PLEKHH2: variants seen among roughly 807,000 people sequenced by gnomAD.
The protein encoded by PLEKHH2 is pleckstrin homology, MyTH4 and FERM domain containing H2, also known as pleckstrin homology domain-containing family H member 2.
Under a neutral mutation model 187.9 loss-of-function variants are expected in PLEKHH2, and 129 were observed. The observed-to-expected ratio is 0.69, with a 90% confidence interval of 0.59 to 0.79. The LOEUF (loss-of-function observed/expected upper bound fraction) is 0.79. PLEKHH2 is among the 30% of genes least tolerant of loss of function. The pLI, the probability that PLEKHH2 is intolerant of heterozygous loss-of-function variation, is 0.00. For missense variants in PLEKHH2, 2,076 were observed against 1,751.2 expected, an observed-to-expected ratio of 1.19 and a Z score of -3.31; for synonymous variants, 686 against 605.6, an observed-to-expected ratio of 1.13 and a Z score of -1.95.
rs749004780 is a variant in PLEKHH2, at chr2:43,644,743, C to A, written c.70C>A (p.Leu24Ile). ...ACGATGTGTAGCTCTGGAGTCCCAA[C>A]TCATGAAATTTAGAGTTCAAGCAAG... ...KERCVALESQLMKFRVQASKI... is the reference protein window; with the variant it reads ...KERCVALESQIMKFRVQASKI... Residue 24 changes from leucine (L) to isoleucine (I), a missense_variant, in exon 2 of 30, where the codon CTC becomes ATC. Transcript: ENST00000282406. 2.5e-6 allele frequency: 4 copies of A among 1,609,976 alleles called. No homozygotes were observed. In the East Asian group the frequency reaches 8.9e-5, roughly 36 times the overall value.
Position 43,742,868 on chromosome 2 carries a change from C to G in PLEKHH2, c.3349C>G (p.His1117Asp), listed in dbSNP as rs1433988226. ...AACTCTTCTCCGAAACCCTTATCAC[C>G]ATTCTTTGCCCTTTAGTATACCTGT... ...LSTLLRNPYH[H>D]SLPFSIPVHF... Residue 1117 changes from histidine to aspartate, a missense_variant, in exon 22 of 30, where the codon CAT (histidine) becomes GAT (aspartate). Physicochemically the swap from His to Asp is moderately conservative, Grantham distance 81. Coordinates refer to ENST00000282406, the MANE Select transcript of PLEKHH2 (RefSeq NM_172069.4). The G allele has an allele frequency of 2.5e-6, 4 of 1,606,784 alleles. No homozygotes were observed. In the South Asian group the frequency reaches 4.5e-5, roughly 18 times the overall value.
intron 14 of PLEKHH2, chr2:43,711,222 T>G (rs1669949244): frequency 1.0e-6 from 1 of 985,538 alleles, no homozygotes; most frequent in Non-Finnish European, 1.2e-6. Context: ...TTTCTTATAT[T>G]GCTCCTTTGG....
At chr2:43,679,863 G>T (rs13393952) in intron 3 of PLEKHH2, among the ~76,000 whole-genome samples, 1,610 of 151,912 alleles carry the variant, frequency 0.011, 31 homozygotes, top group African/African-American at 0.037. Context: ...GTAATGACAG[G>T]GTCTCACTAT....
chr2:43,699,190 C>A (rs1308149212), intron 7 of PLEKHH2, among the ~76,000 whole-genome samples: 1 of 148,112 alleles, frequency 6.8e-6, no homozygotes, highest in Non-Finnish European at 1.5e-5. Context: ...CTTTTATTAT[C>A]TCTCTTTAGA....
chr2:43,727,410 C>CAAAAAA (rs57973493), intron 17 of PLEKHH2, among the ~76,000 whole-genome samples: 4 of 114,842 alleles, frequency 3.5e-5, no homozygotes, highest in South Asian at 3.0e-4. Flanking sequence ...GACTCCGTCT[C>CAAAAAA]AAAAAAAAAA....
chr2:43,726,207 T>G (rs534096384), intron 16 of PLEKHH2, 65 bp from the exon 17 acceptor site: 3 of 1,097,152 alleles, frequency 2.7e-6, no homozygotes, highest in African/African-American at 1.6e-5. Flanking sequence ...AAAAGGACTA[T>G]GAAATGTTTT....
chr2:43,675,579 G>A, intron 2 of PLEKHH2: 2 of 1,613,652 alleles, frequency 1.2e-6, no homozygotes, highest in Non-Finnish European at 1.7e-6. Flanking sequence ...TAAGCTGTGC[G>A]ATTGGTTTTG....
intron 2 of PLEKHH2, among the ~76,000 whole-genome samples, chr2:43,674,921 G>A (rs1667663242): frequency 6.6e-6 from 1 of 151,420 alleles, no homozygotes; most frequent in African/African-American, 2.4e-5. Flanking sequence ...GGAGGCGGAG[G>A]TTGCAGTGAG....
Position 43,742,909 on chromosome 2 carries a change from G to A in PLEKHH2, c.3390G>A (p.Gly1130=). The A allele has an allele frequency of 6.5e-7, 1 of 1,539,312 alleles. No homozygotes were observed. Among genetic ancestry groups the A allele is most frequent in the East Asian group, 2.4e-5 (1 of 41,164 alleles). Residue 1130 remains glycine, a synonymous_variant, in exon 22 of 30, where the codon GGG becomes GGA. Transcript: ENST00000282406. Reference sequence around the variant, plus strand: ...GTATACCTGTGCACTTCATGAATGGGATATACCAGGTAGGTTACCTGATGA... The same window carrying A: ...GTATACCTGTGCACTTCATGAATGGAATATACCAGGTAGGTTACCTGATGA... ...PFSIPVHFMN[G]IYQVVGFDAS... is the part of the protein sequence containing the mutation.
At chr2:43,754,016 A>G (rs370094638) in intron 25 of PLEKHH2, among the ~76,000 whole-genome samples, 24 of 152,124 alleles carry the variant, frequency 1.6e-4, no homozygotes, top group African/African-American at 5.3e-4. Flanking sequence ...TAGGCTTTGT[A>G]TTTAATAAAG....
intron 2 of PLEKHH2, among the ~76,000 whole-genome samples, chr2:43,672,328 T>A (rs1667533388): frequency 6.6e-6 from 1 of 152,202 alleles, no homozygotes; most frequent in Non-Finnish European, 1.5e-5. Context: ...AAGAACCAGC[T>A]TTTGGTTTTA....
chr2:43,673,911 T>C (rs1451557248), intron 2 of PLEKHH2, among the ~76,000 whole-genome samples: 2 of 152,152 alleles, frequency 1.3e-5, no homozygotes, highest in African/African-American at 2.4e-5. Flanking sequence ...TTGAGCCTGA[T>C]TGCGCCTTCA....
intron 12 of PLEKHH2, 27 bp downstream of exon 12, chr2:43,710,153 A>G: frequency 1.2e-6 from 2 of 1,609,830 alleles, no homozygotes; most frequent in Non-Finnish European, 1.7e-6. Context: ...ATTTTTAAAA[A>G]GCAGTCAGTC....
In PLEKHH2 at chr2:43,639,743, G is replaced by A. The variant is rs183118796; in HGVS notation, c.-4+2364G>A. Among the ~76,000 whole-genome samples the A allele has an allele frequency of 5.0e-5, 7 of 139,182 alleles. No individual in the cohort carries two copies. The East Asian group carries it at 1.5e-3, about 30-fold the overall frequency. 91.3% of individuals were successfully genotyped at this position (139,182 alleles called of 152,430 possible). On this transcript the variant is annotated intron_variant, in intron 1 of 29. Transcript: ENST00000282406. Reference sequence around the variant, plus strand: ...AGGATCTCAGCTCACTGCAACTTCTGCCTCCTGGGTTAAAGCAATTCTCCT... The same window carrying A: ...AGGATCTCAGCTCACTGCAACTTCTACCTCCTGGGTTAAAGCAATTCTCCT...
intron 14 of PLEKHH2, 200 bp from the exon 15 acceptor site, chr2:43,712,024 CA>C: frequency 7.9e-7 from 1 of 1,270,976 alleles, no homozygotes; most frequent in East Asian, 3.3e-5. Context: ...GTTATTTCCA[CA>C]AAAATTTAAT....
intron 16 of PLEKHH2, among the ~76,000 whole-genome samples, chr2:43,724,366 C>CT (rs1670635436): frequency 6.6e-6 from 1 of 152,168 alleles, no homozygotes; most frequent in Non-Finnish European, 1.5e-5. Context: ...TTAGAATGAA[C>CT]TTTTTCAAAA....
chr2:43,640,705 A>T (rs774712109), intron 1 of PLEKHH2, among the ~76,000 whole-genome samples: 1 of 152,170 alleles, frequency 6.6e-6, no homozygotes, highest in Non-Finnish European at 1.5e-5. Flanking sequence ...TAATGTGCTT[A>T]TTGGCCATTT....
intron 2 of PLEKHH2, chr2:43,676,194 A>G (rs1667772838): frequency 3.1e-6 from 5 of 1,613,874 alleles, no homozygotes; most frequent in African/African-American, 2.7e-5. Context: ...GACGAAGGTG[A>G]TGGTGCTCGT....
At chr2:43,705,251 C>CTTTTTTTTTTTTTTTT (rs5830767) in intron 9 of PLEKHH2, among the ~76,000 whole-genome samples, 2 of 95,868 alleles carry the variant, frequency 2.1e-5, no homozygotes, top group Non-Finnish European at 3.9e-5. Context: ...AAATTTTATC[C>CTTTTTTTTTTTTTTTT]TTTTTTTTTT....
Sources: allele counts gnomAD v4.1 joint callset (sites outside exome capture counted in the v4.1 genomes callset), GRCh38; gene constraint gnomAD v4.1.1; transcripts MANE v1.5; gene names NCBI Gene and HGNC (gene_info 2026-07-23, HGNC 2026-07-21).